The following MPHOSPH9 variants were observed in gnomAD, a reference collection of about 807,000 sequenced individuals.
The protein encoded by MPHOSPH9 is M-phase phosphoprotein 9.
A neutral mutation model predicts 145.5 loss-of-function variants in MPHOSPH9; 88 were observed. The observed-to-expected ratio is 0.60, with a 90% CI of 0.51 to 0.72. The LOEUF is 0.72. MPHOSPH9 is among the 30% of genes least tolerant of loss of function. MPHOSPH9 has a pLI of 0.00. For synonymous variants in MPHOSPH9, 435 were observed against 486.2 expected (o/e 0.89, Z 1.39); for missense variants, 1,238 against 1,386.6 (o/e 0.89, Z 1.70).
At chr12:123,201,195 A>G (rs1293081834) in intron 11 of MPHOSPH9, among the ~76,000 whole-genome samples, 11 of 151,880 alleles carry the variant, frequency 7.2e-5, no homozygotes. Flanking sequence ...TACTTACAGT[A>G]TAAAGGCTAG....
rs987765665 is a variant in MPHOSPH9 at position 123,156,360 on chromosome 12, C to G, written c.*447G>C. 6.5e-6 allele frequency: 1 copy of G among 153,054 alleles called. No homozygotes were observed. The highest frequency in any genetic ancestry group is 2.4e-5 in the African/African-American group (1 of 41,556). 9.5% of individuals were successfully genotyped at this position (153,054 alleles called of 1,614,324 possible). On this transcript the variant is annotated 3_prime_UTR_variant, in exon 24 of 24. Transcript: ENST00000606320. Reference sequence around the variant, plus strand: ...CAACACAACTGAAATCCAAGGTACACTGTAATTGTTTATGTATTCAGCATG... The same window carrying G: ...CAACACAACTGAAATCCAAGGTACAGTGTAATTGTTTATGTATTCAGCATG...
intron 10 of MPHOSPH9, 55 bp from the exon 11 acceptor site, chr12:123,202,374 C>T: frequency 8.0e-6 from 12 of 1,499,306 alleles, no homozygotes; most frequent in Non-Finnish European, 1.1e-5. Flanking sequence ...CAGTCTCCAT[C>T]CCACAAGAGA....
In MPHOSPH9 at chr12:123,170,171, C is replaced by T. The variant is rs148631726; in HGVS notation, c.2457-3382G>A. On this transcript the variant is annotated intron_variant, in intron 16 of 23. Transcript: ENST00000606320. Reference sequence around the variant, plus strand: ...AGCTTTTTTTTTTTTAAGACAGAGTCTCGCTCTGTCACCCAGGCTGGAGTA... The same window carrying T: ...AGCTTTTTTTTTTTTAAGACAGAGTTTCGCTCTGTCACCCAGGCTGGAGTA... Among the ~76,000 whole-genome samples, 1,410 of 149,636 alleles carry T rather than the reference C, an allele frequency of 9.4e-3. 21 individuals carry two copies. Among genetic ancestry groups the T allele is most frequent in the African/African-American group, 0.033 (1,326 of 40,556 alleles).
rs957198684 is a variant in MPHOSPH9 at position 123,159,641 on chromosome 12, C to G, written c.3450+1140G>C. 6.6e-6 allele frequency: 1 copy of G among 152,068 alleles called. No individual in the cohort carries two copies. The highest frequency in any genetic ancestry group is 1.5e-5 in the Non-Finnish European group (1 of 68,016). 9.4% of individuals were successfully genotyped at this position (152,068 alleles called of 1,614,324 possible). On this transcript the variant is annotated intron_variant, in intron 23 of 23. Transcript: ENST00000606320. The surrounding 1 kb of genome is among the most constrained non-coding windows in gnomAD (Gnocchi z 4.3). ...GAAATTTGCATTTCTTTGGACCTAG[C>G]ATTTTTATTTCTGGGAATGACTCCT...
At chr12:123,224,110 T>TTATATATATATATATATATA (rs147637276) in intron 3 of MPHOSPH9, among the ~76,000 whole-genome samples, 3 of 120,414 alleles carry the variant, frequency 2.5e-5, no homozygotes, top group Non-Finnish European at 3.2e-5. Context: ...AATTGCTAAT[T>TTATATATATATATATATATA]TATATATATA....
intron 1 of MPHOSPH9, among the ~76,000 whole-genome samples, chr12:123,242,300 T>C (rs2047952279): frequency 1.3e-5 from 2 of 152,176 alleles, no homozygotes; most frequent in Admixed American, 1.3e-4. Context: ...AGCTCACGTT[T>C]GAAGAAGGGA....
chr12:123,203,198 A>T, intron 9 of MPHOSPH9, 52 bp downstream of exon 9: 18 of 1,600,624 alleles, frequency 1.1e-5, no homozygotes, highest in Non-Finnish European at 1.5e-5. Flanking sequence ...GGTAAAAGTT[A>T]GAGTCAGGAA....
rs186314428 is a variant in MPHOSPH9, at chr12:123,176,805, T to A, written c.2355-16A>T. The A allele has an allele frequency of 6.9e-4, 1,084 of 1,560,292 alleles. 3 individuals carry two copies. Among genetic ancestry groups the A allele is most frequent in the Non-Finnish European group, 3.6e-4 (403 of 1,132,402 alleles). On this transcript the variant is annotated splice_polypyrimidine_tract_variant and intron_variant, in intron 15 of 23. Transcript: ENST00000606320. ...TGAAATCATTCTAATTCAAAAGCAA[T>A]AAAGATAAATTAAGTACATTTCAAC... is the stretch of plus-strand genomic sequence containing the variant.
intron 18 of MPHOSPH9, among the ~76,000 whole-genome samples, chr12:123,164,697 A>C (rs2044239235): frequency 6.6e-6 from 1 of 152,254 alleles, no homozygotes; most frequent in Non-Finnish European, 1.5e-5. Context: ...TAGGAATGCC[A>C]TGTAAGGCCA....
chr12:123,157,474 T>C (rs1279891557), intron 23 of MPHOSPH9, among the ~76,000 whole-genome samples: 1 of 152,184 alleles, frequency 6.6e-6, no homozygotes, highest in East Asian at 1.9e-4. Flanking sequence ...TATATATCAT[T>C]ATACATACTT....
chr12:123,228,460 C>T (rs1000280497), intron 2 of MPHOSPH9, among the ~76,000 whole-genome samples: 2 of 152,170 alleles, frequency 1.3e-5, no homozygotes, highest in Admixed American at 6.5e-5. Context: ...GAGGCCAAGG[C>T]GGGCGGATCA....
intron 13 of MPHOSPH9, among the ~76,000 whole-genome samples, chr12:123,193,108 T>TATAC (rs1326040192): frequency 5.0e-4 from 47 of 94,898 alleles, no homozygotes; most frequent in African/African-American, 1.7e-3. Context: ...TATATATATA[T>TATAC]ACACACACAC....
intron 17 of MPHOSPH9, 190 bp downstream of exon 17, chr12:123,166,465 G>A (rs1247055881): frequency 1.5e-6 from 1 of 679,882 alleles, no homozygotes; most frequent in Non-Finnish European, 2.5e-6. Flanking sequence ...CACAGGTGGG[G>A]AAGCTTGGCA....
At chr12:123,212,584 G>A (rs1481742637) in intron 7 of MPHOSPH9, among the ~76,000 whole-genome samples, 1 of 151,588 alleles carries the variant, frequency 6.6e-6, no homozygotes, top group African/African-American at 2.4e-5. Context: ...GTGCATGCCT[G>A]TAATCCCAGT....
At chr12:123,165,249 T>C in intron 18 of MPHOSPH9, 53 bp downstream of exon 18, 1 of 1,472,788 alleles carries the variant, frequency 6.8e-7, no homozygotes, top group Non-Finnish European at 9.2e-7. Flanking sequence ...GAAGGTAATA[T>C]AAATGGGGAA....
In MPHOSPH9 at chr12:123,224,137, T is replaced by G. The variant is rs1445624663; in HGVS notation, c.259-1010A>C. ...ATATATATATATATACACATTTTTTTTTTTTTTTTTTTTTGGAGACAGAGT... is the reference window on the plus strand; with the variant it reads ...ATATATATATATATACACATTTTTTGTTTTTTTTTTTTTTGGAGACAGAGT... On this transcript the variant is annotated intron_variant, in intron 3 of 23. Coordinates refer to ENST00000606320, the MANE Select transcript of MPHOSPH9 (RefSeq NM_022782.4). Among the ~76,000 whole-genome samples the G allele has an allele frequency of 1.5e-4, 21 of 139,340 alleles. No individual in the cohort carries two copies. The East Asian group carries it at 4.4e-3, about 29-fold the overall frequency. The allele number at this position is 139,340 out of a possible 152,430, so 91.4% of individuals were successfully genotyped here. A position where few individuals can be genotyped will look rare whatever the true frequency, so the allele number is the denominator to read the frequency against.
Position 123,202,770 on chromosome 12 carries a change from A to T in MPHOSPH9, c.1635T>A (p.Asn545Lys), listed in dbSNP as rs771247134. The stretch of plus-strand genomic sequence containing the variant: ...CATCTACAGTGTTGACCGAGATATC[A>T]TTACTAGTAATGGTATATACTGACG... ...TFPSVYTITSNDISVNTVDEE... is the reference protein window; with the variant it reads ...TFPSVYTITSKDISVNTVDEE... The change falls in exon 10 of 24, where the codon AAT becomes AAA. Residue 545 changes from asparagine (N) to lysine (K), a missense_variant. Transcript: ENST00000606320. The T allele has an allele frequency of 2.5e-6, 4 of 1,614,064 alleles. No homozygotes were observed. In the South Asian group the frequency reaches 3.3e-5, roughly 13 times the overall value.
chr12:123,175,630 C>G (rs1384164043), intron 16 of MPHOSPH9, among the ~76,000 whole-genome samples: 1 of 151,844 alleles, frequency 6.6e-6, no homozygotes, highest in East Asian at 1.9e-4. Flanking sequence ...TCTGCATGGA[C>G]CACCTCCCAG....
chr12:123,152,786 C>T (rs1045565212), downstream of MPHOSPH9: 19 of 319,482 alleles, frequency 5.9e-5, no homozygotes, highest in Non-Finnish European at 6.3e-6. Flanking sequence ...ATCAAACCTG[C>T]AACTGTCAAC....
Sources: allele counts gnomAD v4.1 joint callset (sites outside exome capture counted in the v4.1 genomes callset), GRCh38; gene constraint gnomAD v4.1.1; non-coding constraint Gnocchi (gnomAD v3.1); transcripts MANE v1.5; gene names NCBI Gene and HGNC (gene_info 2026-07-23, HGNC 2026-07-21).